The following SMC1A variants were observed in gnomAD, a reference collection of about 807,000 sequenced individuals.
The protein encoded by SMC1A is structural maintenance of chromosomes protein 1A.
SMC1A carries 4 observed loss-of-function variants against 94.5 expected under a neutral mutation model. The ratio of observed to expected loss-of-function variants is 0.04; its 90% CI spans 0.02 to 0.10. The LOEUF (loss-of-function observed/expected upper bound fraction) is 0.10. Ranked by LOEUF, SMC1A falls within the 10% of genes least tolerant of loss-of-function variation. The probability of loss-of-function intolerance (pLI) is 1.00; values close to 1 mark genes in which losing one functional copy is unlikely to be tolerated. For missense variants in SMC1A, 304 were observed against 989.0 expected, an observed-to-expected ratio of 0.31 and a Z score of 9.29; for synonymous variants, 345 against 347.7, an observed-to-expected ratio of 0.99 and a Z score of 0.09.
chrX:53,380,040 T>C lies in SMC1A; in HGVS notation c.*63A>G, dbSNP rs782035040. The C allele has an allele frequency of 4.1e-5, 34 of 829,943 alleles. No individual in the cohort carries two copies. In the East Asian group the frequency reaches 4.4e-4, roughly 11 times the overall value. The allele number at this position is 829,943 out of a possible 1,213,427, so 68.4% of individuals were successfully genotyped here. The stretch of plus-strand genomic sequence containing the variant: ...GGTAGGGGGAAGGTTGGGAGTCAAA[T>C]ATCCAGAGATTGGGAGAGGGACAGC... On this transcript the variant is annotated 3_prime_UTR_variant, in exon 25 of 25. Coordinates refer to ENST00000322213, the MANE Select transcript of SMC1A (RefSeq NM_006306.4).
At chrX:53,400,972 C>T (rs1556888816) in intron 15 of SMC1A, among the ~76,000 whole-genome samples, 1 of 111,818 alleles carries the variant, frequency 8.9e-6, no homozygotes, top group East Asian at 2.8e-4. Context: ...CACCTTCTTC[C>T]TGACCCTGCT....
intron 20 of SMC1A, 70 bp from the exon 21 acceptor site, chrX:53,382,730 C>T: frequency 8.8e-7 from 1 of 1,139,941 alleles, no homozygotes; most frequent in African/African-American, 1.8e-5. Flanking sequence ...CAATCCAGAG[C>T]AGGAACATCC....
In SMC1A at chrX:53,415,009, C is replaced by G. The variant is rs781811085; in HGVS notation, c.270G>C (p.Glu90Asp). 5.8e-6 allele frequency: 7 copies of G among 1,209,141 alleles called. No individual in the cohort carries two copies. In the South Asian group the frequency reaches 1.2e-4, roughly 21 times the overall value. Residue 90 changes from glutamate to aspartate, a missense_variant, in exon 2 of 25, where the codon GAG (glutamate) becomes GAC (aspartate). Physicochemically the swap from Glu to Asp is conservative, Grantham distance 45 (BLOSUM62 2). This residue lies in a region of SMC1A where 120 missense variants were observed against 314.9 expected (regional missense o/e 0.38). Transcript: ENST00000322213. ...CAATGACACGGGCAAAGGTACGGTC[C>G]TCAGCACCCTCCTCAGAGTAGACCA... ...VSMVYSEEGA[E>D]DRTFARVIVG...
Position 53,405,966 on chromosome X carries a change from G to A in SMC1A, c.1546-10C>T. 8.3e-7 allele frequency: 1 copy of A among 1,208,192 alleles called. No homozygotes were observed. Among genetic ancestry groups the A allele is most frequent in the South Asian group, 1.8e-5 (1 of 56,910 alleles). ...CAATGAGGCGGCCGTACTGAGTAAAGTAGGAAGGGAAAACTGAAGTATGAA... is the reference window on the plus strand; with the variant it reads ...CAATGAGGCGGCCGTACTGAGTAAAATAGGAAGGGAAAACTGAAGTATGAA... On this transcript the variant is annotated splice_polypyrimidine_tract_variant and intron_variant, in intron 9 of 24. Transcript: ENST00000322213.
chrX:53,388,557 C>T (rs982945871), intron 19 of SMC1A, among the ~76,000 whole-genome samples: 1 of 107,556 alleles, frequency 9.3e-6, no homozygotes, highest in Non-Finnish European at 1.9e-5. Context: ...GAAGACAGTA[C>T]AAAAAAGGAT....
chrX:53,418,756 GT>G (rs1556891615), intron 1 of SMC1A, among the ~76,000 whole-genome samples: 1 of 111,685 alleles, frequency 9.0e-6, no homozygotes, highest in Non-Finnish European at 1.9e-5. Flanking sequence ...TGTTTTAAAA[GT>G]TTAGGCCGGG....
At chrX:53,388,458 T>G (rs1856845232) in intron 19 of SMC1A, among the ~76,000 whole-genome samples, 1 of 109,778 alleles carries the variant, frequency 9.1e-6, no homozygotes, top group African/African-American at 3.3e-5. Flanking sequence ...ATTGTAAATT[T>G]TAGGAAATCT....
At chrX:53,421,832 A>G in intron 1 of SMC1A, 1 of 1,014,306 alleles carries the variant, frequency 9.9e-7, no homozygotes, top group African/African-American at 2.0e-5. Context: ...AATTTGGTAA[A>G]TTAGTTAATT....
chrX:53,422,583 C>G lies in SMC1A; in HGVS notation c.18G>C (p.Leu6=). The change falls in exon 1 of 25, where the codon CTG becomes CTC. Residue 6 remains leucine (L), a synonymous_variant. Transcript: ENST00000322213. MGFLK[L]IEIENFKSYK... The stretch of plus-strand genomic sequence containing the variant: ...ACGACTTAAAGTTCTCAATCTCAAT[C>G]AGTTTCAGGAACCCCATGACGGCCG... 1 of 1,200,660 alleles carries G rather than the reference C, an allele frequency of 8.3e-7. No individual in the cohort carries two copies. Among genetic ancestry groups the G allele is most frequent in the Non-Finnish European group, 1.1e-6 (1 of 885,497 alleles).
chrX:53,405,200 G>C, intron 12 of SMC1A, 45 bp downstream of exon 12: 18 of 1,211,944 alleles, frequency 1.5e-5, no homozygotes, highest in Non-Finnish European at 2.0e-5. Flanking sequence ...GGCTGACCTA[G>C]GCTTAGGACT....
rs1435269029 is a variant in SMC1A at position 53,384,466 on chromosome X, G to A, written c.2974-1213C>T. Reference sequence around the variant, plus strand: ...TTTTGTAGAGACAGAGTTTCACCATGTTGCCCAGGTTGGCCTCAAATTCCT... The same window carrying A: ...TTTTGTAGAGACAGAGTTTCACCATATTGCCCAGGTTGGCCTCAAATTCCT... On this transcript the variant is annotated intron_variant, in intron 19 of 24. Transcript: ENST00000322213. Among the ~76,000 whole-genome samples the A allele has an allele frequency of 2.7e-5, 3 of 109,634 alleles. No homozygotes were observed. The East Asian group carries it at 8.6e-4, about 31-fold the overall frequency.
At position 53,405,251 on chromosome X, in the gene SMC1A, C is replaced by G. The variant is rs12851929; in HGVS notation, c.2052G>C (p.Glu684Asp). 8.3e-7 allele frequency: 1 copy of G among 1,210,668 alleles called. No individual in the cohort carries two copies. Among genetic ancestry groups the G allele is most frequent in the Non-Finnish European group, 1.1e-6 (1 of 895,398 alleles). ...AGCACTGCCTGTGGCTTACTTTCAG[C>G]TCCTCTGTCAAGCGCTCCTTCTTCT... Reference protein sequence around the residue: ...LKEKKERLTEELKEQMKAKRK... With the variant: ...LKEKKERLTEDLKEQMKAKRK... Residue 684 changes from glutamate to aspartate, a missense_variant, in exon 12 of 25, where the codon GAG becomes GAC. Physicochemically the swap from Glu to Asp is conservative, Grantham distance 45. Transcript: ENST00000322213.
chrX:53,413,394 C>T lies in SMC1A; in HGVS notation c.453G>A (p.Arg151=), dbSNP rs782287101. The part of the protein sequence containing the change: ...ESIAMKNPKE[R]TALFEEISRS... ...GACTAATCTCTTCAAATAGAGCTGT[C>T]CTCTCTTTGGGGTTCTTCATGGCAA... Residue 151 remains arginine (R), a synonymous_variant, in exon 4 of 25, where the codon AGG becomes AGA. Coordinates refer to ENST00000322213, the MANE Select transcript of SMC1A (RefSeq NM_006306.4). The T allele has an allele frequency of 3.0e-5, 36 of 1,211,449 alleles. No homozygotes were observed. The highest frequency in any genetic ancestry group is 3.0e-5 in the Non-Finnish European group (27 of 895,312).
intron 9 of SMC1A, among the ~76,000 whole-genome samples, chrX:53,408,685 G>A (rs1427972537): frequency 1.8e-5 from 2 of 110,296 alleles, no homozygotes; most frequent in Non-Finnish European, 3.8e-5. Context: ...TCCTGGGAGA[G>A]TAATTCCAGC....
At chrX:53,391,017 AAAG>A (rs1247097654) in intron 19 of SMC1A, among the ~76,000 whole-genome samples, 1,291 of 103,558 alleles carry the variant, frequency 0.012, 10 homozygotes, top group Non-Finnish European at 0.019. Flanking sequence ...AAAAAAAAAA[AAAG>A]AAGAAAAATG....
intron 19 of SMC1A, among the ~76,000 whole-genome samples, chrX:53,391,038 G>T (rs2075627476): frequency 9.6e-6 from 1 of 104,577 alleles, no homozygotes; most frequent in Admixed American, 1.0e-4. Context: ...ATGGGGCCAG[G>T]TGTGGTGGCT....
Position 53,383,071 on chromosome X carries a change from G to A in SMC1A, c.3130+26C>T, listed in dbSNP as rs1480165769. On this transcript the variant is annotated intron_variant, in intron 20 of 24. Transcript: ENST00000322213. ...CCCTTAGCCTCTTGTCCTCATCGTA[G>A]GCCCAAGTAGAAGGGTAAATCTTAC... 7 of 1,198,688 alleles carry A rather than the reference G, an allele frequency of 5.8e-6. No homozygotes were observed. The Admixed American group carries it at 1.3e-4, about 23-fold the overall frequency.
intron 16 of SMC1A, among the ~76,000 whole-genome samples, chrX:53,399,370 T>C (rs138179193): frequency 8.9e-6 from 1 of 112,983 alleles, no homozygotes; most frequent in African/African-American, 3.2e-5. Context: ...TGCATTTCTT[T>C]AGTAAGACTA....
intron 15 of SMC1A, 22 bp from the exon 16 acceptor site, chrX:53,399,752 G>GA (rs2075664584): frequency 8.4e-7 from 1 of 1,193,869 alleles, no homozygotes; most frequent in African/African-American, 1.8e-5. Flanking sequence ...GGTGGGGGGA[G>GA]AATCACTCAT....
Sources: allele counts gnomAD v4.1 joint callset (sites outside exome capture counted in the v4.1 genomes callset), GRCh38; gene constraint gnomAD v4.1.1; regional missense constraint gnomAD v4.1.1; transcripts MANE v1.5; gene names NCBI Gene and HGNC (gene_info 2026-07-23, HGNC 2026-07-21).